Variants in MDGA2 observed in about 807,000 individuals in gnomAD.
The protein encoded by MDGA2 is MAM domain containing glycosylphosphatidylinositol anchor 2.
In MDGA2, 40 loss-of-function variants were observed where a neutral mutation model predicts 117.8. That is an observed-to-expected ratio of 0.34 (90% CI 0.26 to 0.44). The LOEUF is 0.44. Ranked by LOEUF, MDGA2 falls within the 20% of genes least tolerant of loss-of-function variation. The pLI, the probability that MDGA2 is intolerant of heterozygous loss-of-function variation, is 1.00. For missense variants in MDGA2, 1,123 were observed against 1,250.6 expected (o/e 0.90, Z 1.54); for synonymous variants, 452 against 439.0 (o/e 1.03, Z -0.37).
chr14:47,562,376 T>G (rs189632320), intron 1 of MDGA2, among the ~76,000 whole-genome samples: 42 of 152,230 alleles, frequency 2.8e-4, no homozygotes, highest in African/African-American at 3.1e-4. Flanking sequence ...TGTTTGTTTG[T>G]TTGGTTGGTT....
chr14:46,986,771 A>G (rs144701517), intron 8 of MDGA2, among the ~76,000 whole-genome samples: 69 of 152,238 alleles, frequency 4.5e-4, no homozygotes, highest in African/African-American at 1.6e-3. Flanking sequence ...GGACTGATTT[A>G]ATTATTGAAG....
chr14:47,307,189 T>C (rs913319831), intron 1 of MDGA2, among the ~76,000 whole-genome samples: 1 of 152,180 alleles, frequency 6.6e-6, no homozygotes, highest in Non-Finnish European at 1.5e-5. Context: ...CTTCCATTCT[T>C]TTCTTTCCTA....
chr14:47,507,592 C>T (rs1594891840), intron 1 of MDGA2, among the ~76,000 whole-genome samples: 1 of 152,104 alleles, frequency 6.6e-6, no homozygotes, highest in East Asian at 1.9e-4. Flanking sequence ...AACATGTTGG[C>T]TATAAATTAT....
chr14:47,097,251 C>T, intron 5 of MDGA2, 128 bp from the exon 6 acceptor site: 2 of 887,750 alleles, frequency 2.3e-6, no homozygotes, highest in Non-Finnish European at 3.4e-6. Context: ...CAAAATCATA[C>T]TGTATTACTC....
intron 1 of MDGA2, among the ~76,000 whole-genome samples, chr14:47,466,270 C>CA (rs1448632023): frequency 6.6e-6 from 1 of 151,886 alleles, no homozygotes; most frequent in Non-Finnish European, 1.5e-5. Context: ...ACCCATGTGA[C>CA]ATGAGTCTAT....
At chr14:46,857,280 T>C (rs1881305999) in intron 14 of MDGA2, among the ~76,000 whole-genome samples, 2 of 152,342 alleles carry the variant, frequency 1.3e-5, no homozygotes, top group South Asian at 4.1e-4. Flanking sequence ...AGGGCATCCC[T>C]TAGCATTTTT....
In MDGA2 at chr14:47,666,354, G is replaced by A. The variant is rs561864798; in HGVS notation, c.280+8163C>T. Among the ~76,000 whole-genome samples the A allele has an allele frequency of 2.1e-5, 3 of 145,474 alleles. No individual in the cohort carries two copies. The South Asian group carries it at 6.3e-4, about 31-fold the overall frequency. On this transcript the variant is annotated intron_variant, in intron 1 of 16. Transcript: ENST00000399232. ...CGCTCTGTGTCTAGCTGATCTGCTG[G>A]GGACTTAGAGAACCTTTATGTCTAG...
At chr14:47,053,201 C>G (rs1243618154) in intron 7 of MDGA2, among the ~76,000 whole-genome samples, 2 of 151,886 alleles carry the variant, frequency 1.3e-5, no homozygotes, top group Non-Finnish European at 2.9e-5. Flanking sequence ...TCATTTGCTT[C>G]ACAGTTTCTT....
intron 3 of MDGA2, among the ~76,000 whole-genome samples, chr14:47,187,194 T>A (rs1204413499): frequency 1.3e-5 from 2 of 151,850 alleles, no homozygotes; most frequent in African/African-American, 4.8e-5. Flanking sequence ...CGAGAAATAA[T>A]AATTTGCTTC....
At chr14:47,660,362 T>A (rs1232885626) in intron 1 of MDGA2, among the ~76,000 whole-genome samples, 1 of 152,176 alleles carries the variant, frequency 6.6e-6, no homozygotes, top group Non-Finnish European at 1.5e-5. Flanking sequence ...ATAGTCACAA[T>A]GATACAGGGT....
chr14:47,074,462 G>A (rs1594592682), intron 6 of MDGA2, among the ~76,000 whole-genome samples: 1 of 152,072 alleles, frequency 6.6e-6, no homozygotes, highest in African/African-American at 2.4e-5. Context: ...CACCACGCCC[G>A]GCTAATTTTT....
At chr14:47,102,447 G>C (rs931157602) in intron 5 of MDGA2, among the ~76,000 whole-genome samples, 3 of 151,104 alleles carry the variant, frequency 2.0e-5, no homozygotes, top group African/African-American at 7.3e-5. Flanking sequence ...CAGAATAAAC[G>C]CCAATTTTAA....
chr14:46,876,344 C>A (rs1307841244), intron 12 of MDGA2, among the ~76,000 whole-genome samples: 2 of 151,238 alleles, frequency 1.3e-5, no homozygotes, highest in Non-Finnish European at 3.0e-5. Context: ...TAAATATGTG[C>A]AAATACATTT....
intron 1 of MDGA2, among the ~76,000 whole-genome samples, chr14:47,579,043 T>C (rs978664392): frequency 5.3e-5 from 8 of 152,140 alleles, no homozygotes; most frequent in Non-Finnish European, 8.8e-5. Context: ...TACAAATATC[T>C]TAAATATATT....
intron 1 of MDGA2, among the ~76,000 whole-genome samples, chr14:47,344,966 A>G (rs1389318728): frequency 1.3e-5 from 2 of 152,098 alleles, no homozygotes; most frequent in African/African-American, 4.8e-5. Context: ...TACAGGAGAG[A>G]CATAGAAATG....
At chr14:47,166,773 C>T (rs1018686125) in intron 3 of MDGA2, among the ~76,000 whole-genome samples, 21 of 152,284 alleles carry the variant, frequency 1.4e-4, no homozygotes, top group African/African-American at 4.3e-4. Context: ...CTTCACCTGA[C>T]GTAAGAGCAT....
chr14:47,025,745 CTG>C (rs1243945480), intron 8 of MDGA2, among the ~76,000 whole-genome samples: 1 of 151,496 alleles, frequency 6.6e-6, no homozygotes, highest in Non-Finnish European at 1.5e-5. Context: ...GGCAAGAAAA[CTG>C]TGTTGGAAGA....
chr14:47,578,605 T>C (rs1397245065), intron 1 of MDGA2, among the ~76,000 whole-genome samples: 1 of 152,152 alleles, frequency 6.6e-6, no homozygotes, highest in Non-Finnish European at 1.5e-5. Flanking sequence ...CTAGTTTTAC[T>C]AATTGTCTTT....
intron 7 of MDGA2, among the ~76,000 whole-genome samples, chr14:47,039,860 G>T (rs1298891128): frequency 6.6e-6 from 1 of 151,880 alleles, no homozygotes; most frequent in Non-Finnish European, 1.5e-5. Flanking sequence ...ATAAACAGTT[G>T]TATCTAATTT....
Sources: allele counts gnomAD v4.1 joint callset (sites outside exome capture counted in the v4.1 genomes callset), GRCh38; gene constraint gnomAD v4.1.1; transcripts MANE v1.5; gene names NCBI Gene and HGNC (gene_info 2026-07-23, HGNC 2026-07-21).